Variants in CBFA2T3 observed in about 807,000 individuals in gnomAD.
CBFA2T3 encodes the protein transcriptional corepressor CBFA2T3.
CBFA2T3 carries 31 observed loss-of-function variants against 58.6 expected under a neutral mutation model. The observed-to-expected ratio is 0.53, with a 90% confidence interval of 0.40 to 0.71. The LOEUF (loss-of-function observed/expected upper bound fraction) is 0.71, where lower values mean the gene tolerates loss of function less well. Ranked by LOEUF, CBFA2T3 falls within the 30% of genes least tolerant of loss-of-function variation. The probability of loss-of-function intolerance (pLI) is 0.00; values close to 1 mark genes in which losing one functional copy is unlikely to be tolerated. For synonymous variants in CBFA2T3, 531 were observed against 421.9 expected, an observed-to-expected ratio of 1.26 and a Z score of -3.17; for missense variants, 1,076 against 963.1, an observed-to-expected ratio of 1.12 and a Z score of -1.55.
chr16:88,888,593 T>TGGGA (rs1969492999), intron 5 of CBFA2T3, among the ~76,000 whole-genome samples: 1 of 2,374 alleles, frequency 4.2e-4, no homozygotes, highest in African/African-American at 1.6e-3. Flanking sequence ...TGGGGTGGGG[T>TGGGA]GGGGTGGGTG....
intron 3 of CBFA2T3, among the ~76,000 whole-genome samples, chr16:88,893,114 C>G (rs1305901464): frequency 6.6e-6 from 1 of 152,130 alleles, no homozygotes; most frequent in East Asian, 1.9e-4. Context: ...CAGCTACCAT[C>G]ACCTCTGGCA....
At chr16:88,881,777 G>C (rs1412124792) in intron 8 of CBFA2T3, among the ~76,000 whole-genome samples, 1 of 152,248 alleles carries the variant, frequency 6.6e-6, no homozygotes, top group South Asian at 2.1e-4. Context: ...TCTGCCTCAG[G>C]GACCTGGCTT....
intron 1 of CBFA2T3, among the ~76,000 whole-genome samples, chr16:88,928,808 T>C (rs541490): frequency 0.42 from 63,523 of 152,076 alleles, 13,950 homozygotes; most frequent in Middle Eastern, 0.59. Flanking sequence ...GGTGACTGGA[T>C]GGCCACTGAA....
Position 88,911,521 on chromosome 16 carries a change from G to C in CBFA2T3, c.152-9865C>G, listed in dbSNP as rs762331255. 3.9e-5 allele frequency among the ~76,000 whole-genome samples: 6 copies of C among 152,372 alleles called. No individual in the cohort carries two copies. In the South Asian group the frequency reaches 8.3e-4, roughly 21 times the overall value. ...GCGATCTGAAGGACAGGGGCAGGGA[G>C]GGAACGGGAACCTCAGGCGCCCTCT... On this transcript the variant is annotated intron_variant, in intron 1 of 11. Coordinates refer to ENST00000268679, the MANE Select transcript of CBFA2T3 (RefSeq NM_005187.6).
intron 3 of CBFA2T3, among the ~76,000 whole-genome samples, chr16:88,893,945 G>A (rs1293988108): frequency 6.6e-6 from 1 of 152,160 alleles, no homozygotes; most frequent in Non-Finnish European, 1.5e-5. Context: ...GTCCCTTGCT[G>A]ACAGGGGAGG....
chr16:88,886,219 G>T, intron 5 of CBFA2T3, 77 bp from the exon 6 acceptor site: 1 of 1,144,050 alleles, frequency 8.7e-7, no homozygotes, highest in Non-Finnish European at 1.2e-6. Flanking sequence ...GAGGGGGCCT[G>T]GGCTGGGTGG....
chr16:88,960,554 A>G lies in CBFA2T3; in HGVS notation c.151+16103T>C, dbSNP rs1442827263. Among the ~76,000 whole-genome samples, 4 of 152,244 alleles carry G rather than the reference A, an allele frequency of 2.6e-5. No individual in the cohort carries two copies. In the East Asian group the frequency reaches 7.7e-4, roughly 29 times the overall value. On this transcript the variant is annotated intron_variant, in intron 1 of 11. Coordinates refer to ENST00000268679, the MANE Select transcript of CBFA2T3 (RefSeq NM_005187.6). ...CACAAGAATCTCAATTTTCCTTATG[A>G]AAAGAGGCTGGCCTAGTCTTTGTCC...
intron 1 of CBFA2T3, among the ~76,000 whole-genome samples, chr16:88,951,718 C>T (rs34431517): frequency 0.25 from 38,500 of 152,086 alleles, 5,812 homozygotes; most frequent in Middle Eastern, 0.44. Context: ...TGACCACACG[C>T]GGCCAATCAC....
chr16:88,921,431 G>A (rs1243207249), intron 1 of CBFA2T3, among the ~76,000 whole-genome samples: 1 of 152,258 alleles, frequency 6.6e-6, no homozygotes, highest in African/African-American at 2.4e-5. Flanking sequence ...GACGGATGGG[G>A]TGGCAGGGAG....
chr16:88,915,074 T>C (rs1205697888), intron 1 of CBFA2T3, among the ~76,000 whole-genome samples: 1 of 151,210 alleles, frequency 6.6e-6, no homozygotes, highest in African/African-American at 2.4e-5. Flanking sequence ...CTGGGAGTCC[T>C]GGGGGTAGCG....
chr16:88,976,587 G>A, intron 1 of CBFA2T3, 70 bp downstream of exon 1: 1 of 1,207,396 alleles, frequency 8.3e-7, no homozygotes, highest in Non-Finnish European at 1.2e-6. Flanking sequence ...GAAGCTCTAA[G>A]GAGTCACAGC....
Position 88,885,947 on chromosome 16 carries a change from G to A in CBFA2T3, c.893+14C>T. ...ACGGCACCCCCAGCCCAGATCCCCG[G>A]AGCCCACAGGTACCTGTCGGGCGTC... is the stretch of plus-strand genomic sequence containing the variant. On this transcript the variant is annotated intron_variant, in intron 6 of 11. Coordinates refer to ENST00000268679, the MANE Select transcript of CBFA2T3 (RefSeq NM_005187.6). The surrounding 1 kb of genome is among the most constrained non-coding windows in gnomAD (Gnocchi z 5.3). 6.5e-7 allele frequency: 1 copy of A among 1,545,710 alleles called. No individual in the cohort carries two copies.
intron 1 of CBFA2T3, among the ~76,000 whole-genome samples, chr16:88,925,544 G>A (rs1278078396): frequency 2.0e-5 from 3 of 152,196 alleles, no homozygotes; most frequent in East Asian, 1.9e-4. Context: ...CGACTCTGAG[G>A]GTGGCAGGCG....
intron 1 of CBFA2T3, among the ~76,000 whole-genome samples, chr16:88,907,860 C>T (rs1351904494): frequency 2.0e-5 from 3 of 152,252 alleles, no homozygotes; most frequent in South Asian, 2.1e-4. Context: ...GGACACAGTG[C>T]GCCCCTCTCT....
Position 88,875,974 on chromosome 16 carries a change from T to C in CBFA2T3, c.*1002A>G, listed in dbSNP as rs751295314. 72 of 233,126 alleles carry C rather than the reference T, an allele frequency of 3.1e-4. No individual in the cohort carries two copies. Among genetic ancestry groups the C allele is most frequent in the Non-Finnish European group, 5.8e-4 (68 of 117,856 alleles). 14.4% of individuals were successfully genotyped at this position (233,126 alleles called of 1,614,324 possible). A position where few individuals can be genotyped will look rare whatever the true frequency, so the allele number is the denominator to read the frequency against. On this transcript the variant is annotated 3_prime_UTR_variant, in exon 12 of 12. Transcript: ENST00000268679. ...ACGCCTACGCAGAAGAGAACAAAAG[T>C]CGCTTCTAACTGGGCACAAACCCTC...
chr16:88,971,221 C>T (rs943893698), intron 1 of CBFA2T3, among the ~76,000 whole-genome samples: 22 of 152,218 alleles, frequency 1.4e-4, no homozygotes, highest in African/African-American at 4.8e-4. Flanking sequence ...ACGATTCTCC[C>T]GCCTCAGCCT....
intron 1 of CBFA2T3, among the ~76,000 whole-genome samples, chr16:88,907,558 G>GAGTGGGGAAACAGAGGCAC (rs1970380120): frequency 6.6e-6 from 1 of 152,216 alleles, no homozygotes; most frequent in Non-Finnish European, 1.5e-5. Flanking sequence ...TCTATCTTAC[G>GAGTGGGGAAACAGAGGCAC]AGTGGGGAAA....
In CBFA2T3 at chr16:88,977,099, C is replaced by A. The variant is rs1277908328; in HGVS notation, c.-292G>T. 5.5e-6 allele frequency: 2 copies of A among 361,274 alleles called. No individual in the cohort carries two copies. The highest frequency in any genetic ancestry group is 1.0e-5 in the Non-Finnish European group (2 of 197,244). The allele number at this position is 361,274 out of a possible 1,614,324, so 22.4% of individuals were successfully genotyped here. The stretch of plus-strand genomic sequence containing the variant: ...CTGCGGGTGAGGCAGCCAGCTGTGT[C>A]CCCGTGATAATGCCGGGGCCGGAGG... On this transcript the variant is annotated 5_prime_UTR_variant, in exon 1 of 12. Transcript: ENST00000268679.
chr16:88,969,587 C>G (rs1018490364), intron 1 of CBFA2T3, among the ~76,000 whole-genome samples: 5 of 152,224 alleles, frequency 3.3e-5, no homozygotes, highest in Non-Finnish European at 2.9e-5. Flanking sequence ...CCATTCCCAC[C>G]ATGGTCGGGT....
Sources: gnomAD v4.1 joint callset for allele counts (sites outside exome capture counted in the v4.1 genomes callset) on GRCh38, gnomAD v4.1.1 for gene constraint, Gnocchi (gnomAD v3.1) non-coding constraint, MANE v1.5 for transcripts, NCBI Gene and HGNC (gene_info 2026-07-23, HGNC 2026-07-21) for gene names.